Variants in USH2A observed in about 807,000 individuals in gnomAD.
USH2A encodes Usher syndrome 2A (autosomal recessive, mild).
USH2A carries 443 observed loss-of-function variants against 538.9 expected under a neutral mutation model. The observed-to-expected ratio is 0.82, with a 90% CI of 0.76 to 0.89. USH2A has a LOEUF of 0.89. USH2A is among the 40% of genes least tolerant of loss of function. The pLI is 0.00. For missense variants in USH2A, 6,633 were observed against 6,324.8 expected, an observed-to-expected ratio of 1.05 and a Z score of -1.65; for synonymous variants, 2,413 against 2,273.5, an observed-to-expected ratio of 1.06 and a Z score of -1.75.
chr1:216,354,176 AG>A (rs1392342040), intron 4 of USH2A, among the ~76,000 whole-genome samples: 1 of 152,126 alleles, frequency 6.6e-6, no homozygotes, highest in African/African-American at 2.4e-5. Context: ...ATCAACTTCA[AG>A]TCAGTTTGGT....
At chr1:216,296,997 C>G (rs1191832304) in intron 9 of USH2A, among the ~76,000 whole-genome samples, 1 of 151,718 alleles carries the variant, frequency 6.6e-6, no homozygotes, top group Non-Finnish European at 1.5e-5. Context: ...GATGAGTATA[C>G]TCTCATCAAA....
chr1:215,972,157 T>C (rs750377093), intron 35 of USH2A, among the ~76,000 whole-genome samples: 7 of 152,124 alleles, frequency 4.6e-5, no homozygotes, highest in Non-Finnish European at 8.8e-5. Flanking sequence ...GTTGGCCTTC[T>C]ATTGGGTTTT....
At chr1:216,112,532 G>A (rs992037967) in intron 21 of USH2A, among the ~76,000 whole-genome samples, 7 of 152,164 alleles carry the variant, frequency 4.6e-5, no homozygotes, top group South Asian at 4.2e-4. Context: ...TGTCACGGGG[G>A]TTCAATGAAC....
intron 27 of USH2A, among the ~76,000 whole-genome samples, chr1:216,074,150 T>C (rs1325823285): frequency 6.6e-6 from 1 of 152,200 alleles, no homozygotes; most frequent in Non-Finnish European, 1.5e-5. Flanking sequence ...ACTTTTTTGT[T>C]AGACAGCAAA....
chr1:216,229,737 A>C (rs1219184024), intron 14 of USH2A, among the ~76,000 whole-genome samples: 1 of 152,210 alleles, frequency 6.6e-6, no homozygotes, highest in African/African-American at 2.4e-5. Flanking sequence ...AACCCAGGGA[A>C]TCTAGCTCCA....
intron 20 of USH2A, among the ~76,000 whole-genome samples, chr1:216,184,126 T>C (rs1191602016): frequency 6.6e-6 from 1 of 152,042 alleles, no homozygotes; most frequent in Non-Finnish European, 1.5e-5. Flanking sequence ...TTAAGTCATC[T>C]GTCATTACCA....
At chr1:215,794,092 C>T (rs1325858780) in intron 50 of USH2A, among the ~76,000 whole-genome samples, 2 of 152,096 alleles carry the variant, frequency 1.3e-5, no homozygotes, top group Non-Finnish European at 2.9e-5. Context: ...ACTTTCATCC[C>T]GAGATACCTG....
chr1:215,820,728 C>G (rs573947118), intron 47 of USH2A, among the ~76,000 whole-genome samples: 1 of 151,750 alleles, frequency 6.6e-6, no homozygotes, highest in African/African-American at 2.4e-5. Flanking sequence ...TCAATCTATT[C>G]TTCCTCTCCC....
At chr1:216,200,231 T>G in intron 16 of USH2A, 110 bp from the exon 17 acceptor site, 1 of 1,136,444 alleles carries the variant, frequency 8.8e-7, no homozygotes, top group Non-Finnish European at 1.2e-6. Context: ...TATACCAATC[T>G]ACTCTTTTGA....
intron 21 of USH2A, among the ~76,000 whole-genome samples, chr1:216,123,096 A>G (rs1443713180): frequency 6.6e-6 from 1 of 152,198 alleles, no homozygotes; most frequent in Non-Finnish European, 1.5e-5. Flanking sequence ...TGCCAATTAT[A>G]CAGATAAGAA....
chr1:216,017,626 GTTCCTGACTACCT>G (rs1668747771), intron 32 of USH2A, among the ~76,000 whole-genome samples: 1 of 152,140 alleles, frequency 6.6e-6, no homozygotes, highest in African/African-American at 2.4e-5. Flanking sequence ...AGAATAATAA[GTTCCTGACTACCT>G]GTGGCAGGAA....
At chr1:215,684,117 C>A (rs959403294) in intron 61 of USH2A, among the ~76,000 whole-genome samples, 2 of 152,124 alleles carry the variant, frequency 1.3e-5, no homozygotes, top group African/African-American at 4.8e-5. Context: ...ACTTTATATG[C>A]ATGAAGGTCA....
At chr1:216,147,135 C>A in intron 21 of USH2A, among the ~76,000 whole-genome samples, 1 of 152,040 alleles carries the variant, frequency 6.6e-6, no homozygotes, top group Non-Finnish European at 1.5e-5. Flanking sequence ...TCCCTCCTGC[C>A]TGTCCCCTCA....
In USH2A at chr1:215,888,924, G is replaced by A. The variant is rs768408713; in HGVS notation, c.7725C>T (p.Tyr2575=). ...HYNIYLHGRL[Y]LRTPGNVTNC... ...TAGTGACATTTCCAGGAGTTCTCAA[G>A]TATAGACGGCCATGTAGATAAATGT... The change falls in exon 41 of 72, where the codon TAC becomes TAT. Residue 2575 remains tyrosine (Y), a synonymous_variant. Coordinates refer to ENST00000307340, the MANE Select transcript of USH2A (RefSeq NM_206933.4). 1 of 1,614,164 alleles carries A rather than the reference G, an allele frequency of 6.2e-7. No homozygotes were observed. Among genetic ancestry groups the A allele is most frequent in the Non-Finnish European group, 8.5e-7 (1 of 1,180,014 alleles).
At chr1:215,935,968 C>T (rs1264489919) in intron 37 of USH2A, among the ~76,000 whole-genome samples, 2 of 151,886 alleles carry the variant, frequency 1.3e-5, no homozygotes, top group Non-Finnish European at 2.9e-5. Context: ...TCACTTGAAC[C>T]CACAAATTTG....
intron 21 of USH2A, among the ~76,000 whole-genome samples, chr1:216,156,149 A>G (rs2033932453): frequency 6.6e-6 from 1 of 152,156 alleles, no homozygotes; most frequent in Admixed American, 6.5e-5. Flanking sequence ...AATTTATATT[A>G]GAATTTCCAA....
At chr1:216,048,251 T>C (rs1422260175) in intron 31 of USH2A, among the ~76,000 whole-genome samples, 1 of 152,194 alleles carries the variant, frequency 6.6e-6, no homozygotes, top group Non-Finnish European at 1.5e-5. Flanking sequence ...ATCTTTCAGA[T>C]GCTTCATATT....
At chr1:216,168,502 G>A (rs2034213948) in intron 21 of USH2A, among the ~76,000 whole-genome samples, 2 of 152,068 alleles carry the variant, frequency 1.3e-5, no homozygotes, top group Non-Finnish European at 2.9e-5. Flanking sequence ...GGCAAAGGTT[G>A]ACCTAACCTT....
intron 21 of USH2A, among the ~76,000 whole-genome samples, chr1:216,172,681 TA>T (rs935941992): frequency 2.1e-4 from 32 of 151,266 alleles, no homozygotes; most frequent in African/African-American, 6.6e-4. Context: ...TAATTGCTAT[TA>T]AAAAAAAACC....
Sources: gnomAD v4.1 joint callset for allele counts (sites outside exome capture counted in the v4.1 genomes callset) on GRCh38, gnomAD v4.1.1 for gene constraint, MANE v1.5 for transcripts, NCBI Gene and HGNC (gene_info 2026-07-23, HGNC 2026-07-21) for gene names.